Variants in GPR141 observed in about 807,000 individuals in gnomAD.
The protein encoded by GPR141 is probable G protein-coupled receptor 141.
In GPR141, 6 loss-of-function variants were observed where a neutral mutation model predicts 6.8. That is an observed-to-expected ratio of 0.88 (90% CI 0.48 to 1.74). The LOEUF is 1.74. Among genes scored for constraint, GPR141 ranks in the 40% most tolerant of loss-of-function variants. The pLI is 0.01. For synonymous variants in GPR141, 140 were observed against 142.3 expected (o/e 0.98, Z 0.11); for missense variants, 372 against 372.9 (o/e 1.00, Z 0.02).
intron 2 of GPR141, among the ~76,000 whole-genome samples, chr7:37,724,219 T>C (rs919002603): frequency 6.6e-6 from 1 of 152,152 alleles, no homozygotes; most frequent in Non-Finnish European, 1.5e-5. Flanking sequence ...GCCTGCTCTT[T>C]GGTGAAAAAT....
intron 2 of GPR141, among the ~76,000 whole-genome samples, chr7:37,712,552 G>A (rs970051730): frequency 9.2e-5 from 14 of 152,112 alleles, no homozygotes; most frequent in African/African-American, 3.1e-4. Flanking sequence ...TAATACCTCA[G>A]GTCAAGAACA....
chr7:37,685,715 C>T (rs910457079), intron 2 of GPR141, 132 bp downstream of exon 2: 1 of 147,444 alleles, frequency 6.8e-6, no homozygotes, highest in Non-Finnish European at 1.5e-5. Context: ...TTTCAGAGTA[C>T]TGGGATAACA....
At chr7:37,702,705 G>C (rs1186619279) in intron 2 of GPR141, among the ~76,000 whole-genome samples, 1 of 147,842 alleles carries the variant, frequency 6.8e-6, no homozygotes, top group East Asian at 2.0e-4. Context: ...CCTGCACAAT[G>C]TGCACATGTA....
At chr7:37,690,957 G>T (rs1809732270) in intron 2 of GPR141, among the ~76,000 whole-genome samples, 1 of 152,112 alleles carries the variant, frequency 6.6e-6, no homozygotes. Context: ...TCTCCCTTTA[G>T]ATTCAATTAC....
At chr7:37,740,337 C>T (rs1319045818) in intron 2 of GPR141, 43 bp from the exon 3 acceptor site, 1 of 1,254,694 alleles carries the variant, frequency 8.0e-7, no homozygotes, top group Non-Finnish European at 1.1e-6. Context: ...AGGAACAAAG[C>T]TCTGAAAGCT....
chr7:37,730,597 A>T (rs1434256492), intron 2 of GPR141, among the ~76,000 whole-genome samples: 1 of 152,224 alleles, frequency 6.6e-6, no homozygotes, highest in Non-Finnish European at 1.5e-5. Flanking sequence ...CAAAGCCATC[A>T]GTTGCACTTG....
At chr7:37,698,310 A>G (rs554056956) in intron 2 of GPR141, among the ~76,000 whole-genome samples, 12 of 152,296 alleles carry the variant, frequency 7.9e-5, no homozygotes, top group African/African-American at 2.9e-4. Context: ...CAAAATTATT[A>G]CCCTTCTTCC....
At chr7:37,709,255 T>C (rs958565687) in intron 2 of GPR141, among the ~76,000 whole-genome samples, 2 of 152,226 alleles carry the variant, frequency 1.3e-5, no homozygotes, top group African/African-American at 4.8e-5. Flanking sequence ...TTCCAATAAA[T>C]AAATATATTT....
chr7:37,720,658 G>A (rs151323063), intron 2 of GPR141, among the ~76,000 whole-genome samples: 1,896 of 151,246 alleles, frequency 0.013, 39 homozygotes, highest in African/African-American at 0.043. Flanking sequence ...GGAGAATGGC[G>A]TGAACCCGGA....
In GPR141 at chr7:37,743,249, C is replaced by G. The variant is rs1463892385; in HGVS notation, c.*1938C>G. ...TATTATCACTGTGGATCCACAAATT[C>G]CTCAGATGAATAAGAAATACCTCTG... is the stretch of plus-strand genomic sequence containing the variant. On this transcript the variant is annotated 3_prime_UTR_variant, in exon 3 of 3. Coordinates refer to ENST00000334425, the MANE Select transcript of GPR141 (RefSeq NM_001381946.1). Among the ~76,000 whole-genome samples the G allele has an allele frequency of 6.6e-6, 1 of 151,802 alleles. No homozygotes were observed. The highest frequency in any genetic ancestry group is 1.5e-5 in the Non-Finnish European group (1 of 67,968).
At chr7:37,721,806 T>C (rs1032795976) in intron 2 of GPR141, among the ~76,000 whole-genome samples, 1 of 152,226 alleles carries the variant, frequency 6.6e-6, no homozygotes, top group African/African-American at 2.4e-5. Context: ...CAGCCTAGAC[T>C]GTGGAGGCCT....
chr7:37,707,556 C>G (rs1049307886), intron 2 of GPR141, among the ~76,000 whole-genome samples: 2 of 152,152 alleles, frequency 1.3e-5, no homozygotes, highest in Non-Finnish European at 2.9e-5. Flanking sequence ...ACACTCTATG[C>G]CAAGTCTTAT....
intron 2 of GPR141, among the ~76,000 whole-genome samples, chr7:37,702,231 A>G (rs1036070865): frequency 6.6e-6 from 1 of 152,132 alleles, no homozygotes; most frequent in Non-Finnish European, 1.5e-5. Flanking sequence ...TTATATATTG[A>G]TAAAATGTAC....
Position 37,742,900 on chromosome 7 carries a change from T to A in GPR141, c.*1589T>A, listed in dbSNP as rs1812638643. ...AATAATATGGATTTTCTTTCCAAATTCGGAATTACTTTTTGTAAAATTGTA... is the reference window on the plus strand; with the variant it reads ...AATAATATGGATTTTCTTTCCAAATACGGAATTACTTTTTGTAAAATTGTA... On this transcript the variant is annotated 3_prime_UTR_variant, in exon 3 of 3. Coordinates refer to ENST00000334425, the MANE Select transcript of GPR141 (RefSeq NM_001381946.1). Among the ~76,000 whole-genome samples the A allele has an allele frequency of 6.6e-6, 1 of 152,170 alleles. No individual in the cohort carries two copies. Among genetic ancestry groups the A allele is most frequent in the South Asian group, 2.1e-4 (1 of 4,832 alleles).
At chr7:37,724,663 A>G (rs553261203) in intron 2 of GPR141, among the ~76,000 whole-genome samples, 3 of 152,250 alleles carry the variant, frequency 2.0e-5, no homozygotes, top group Admixed American at 6.5e-5. Flanking sequence ...GACTGTTCCT[A>G]TTTGTTTTCT....
intron 2 of GPR141, among the ~76,000 whole-genome samples, chr7:37,693,190 G>A (rs1395412334): frequency 6.6e-6 from 1 of 152,144 alleles, no homozygotes; most frequent in Non-Finnish European, 1.5e-5. Flanking sequence ...TAAGGTGTAA[G>A]GAAGGGGTCC....
chr7:37,740,432 T>C lies in GPR141; in HGVS notation c.39T>C (p.Asp13=), dbSNP rs762798518. The stretch of plus-strand genomic sequence containing the variant: ...ATACCTCCAGGAATTCCTCTTGCGA[T>C]CCTATAGTGACACCCCACTTAATCA... ...GHNTSRNSSC[D]PIVTPHLISL... Residue 13 remains aspartate, a synonymous_variant, in exon 3 of 3, where the codon GAT becomes GAC. Transcript: ENST00000334425. 1 of 1,611,876 alleles carries C rather than the reference T, an allele frequency of 6.2e-7. No individual in the cohort carries two copies. Among genetic ancestry groups the C allele is most frequent in the Non-Finnish European group, 8.5e-7 (1 of 1,178,400 alleles).
At chr7:37,735,658 A>G (rs976372295) in intron 2 of GPR141, among the ~76,000 whole-genome samples, 1 of 152,234 alleles carries the variant, frequency 6.6e-6, no homozygotes, top group Non-Finnish European at 1.5e-5. Flanking sequence ...AAAAATATAC[A>G]GAATTTATTA....
chr7:37,734,323 A>T (rs1812128518), intron 2 of GPR141, among the ~76,000 whole-genome samples: 1 of 152,264 alleles, frequency 6.6e-6, no homozygotes, highest in Admixed American at 6.5e-5. Context: ...CAGAGAGGTT[A>T]AGTAGTTTGT....
Sources: allele counts gnomAD v4.1 joint callset (sites outside exome capture counted in the v4.1 genomes callset), GRCh38; gene constraint gnomAD v4.1.1; transcripts MANE v1.5; gene names NCBI Gene and HGNC (gene_info 2026-07-23, HGNC 2026-07-21).